NEBL: variants seen among roughly 807,000 people sequenced by gnomAD.
The protein encoded by NEBL is LIM and SH3 protein 2.
In NEBL, 122 loss-of-function variants were observed where a neutral mutation model predicts 140.2. That is an observed-to-expected ratio of 0.87 (90% CI 0.75 to 1.01). The LOEUF (loss-of-function observed/expected upper bound fraction) is 1.01, where lower values mean the gene tolerates loss of function less well. Ranked by LOEUF, NEBL falls within the 50% of genes least tolerant of loss-of-function variation. The pLI is 0.00. For missense variants in NEBL, 1,365 were observed against 1,231.3 expected, an observed-to-expected ratio of 1.11 and a Z score of -1.62; for synonymous variants, 436 against 398.9, an observed-to-expected ratio of 1.09 and a Z score of -1.11.
chr10:20,980,033 T>C (rs187583303), intron 3 of NEBL, among the ~76,000 whole-genome samples: 6 of 149,476 alleles, frequency 4.0e-5, no homozygotes, highest in Admixed American at 3.3e-4. Context: ...TATATTCTTT[T>C]AAAGTGTCTC....
At chr10:20,996,880 C>T (rs1837688020) in intron 3 of NEBL, among the ~76,000 whole-genome samples, 1 of 152,180 alleles carries the variant, frequency 6.6e-6, no homozygotes, top group African/African-American at 2.4e-5. Flanking sequence ...GTCTTTTTCT[C>T]TCTCTAAACC....
At chr10:20,835,213 C>T (rs904459993) in intron 14 of NEBL, among the ~76,000 whole-genome samples, 1 of 152,190 alleles carries the variant, frequency 6.6e-6, no homozygotes, top group African/African-American at 2.4e-5. Flanking sequence ...TTATCATAGC[C>T]TAGATTACCA....
In NEBL at chr10:20,819,503, TC is replaced by T; in HGVS notation, c.1975del (p.Glu659SerfsTer9). 6.2e-7 allele frequency: 1 copy of T among 1,614,064 alleles called. No homozygotes were observed. The highest frequency in any genetic ancestry group is 8.5e-7 in the Non-Finnish European group (1 of 1,179,962). ...TACCGGAGTGGCCTTGTAGTTTTGCTCTTTATACTGGAGCTGAGAGACAAGG... is the reference window on the plus strand; with the variant it reads ...TACCGGAGTGGCCTTGTAGTTTTGCTTTTATACTGGAGCTGAGAGACAAGG... ...QKNISNLQYK[E>X]QNYKATPVSM... is the part of the protein sequence containing the mutation. On this transcript the variant is annotated frameshift_variant, in exon 20 of 28. Transcript: ENST00000377122. LOFTEE classifies it high-confidence loss of function.
intron 1 of NEBL, among the ~76,000 whole-genome samples, chr10:21,288,592 C>G (rs899543971): frequency 6.6e-6 from 1 of 150,416 alleles, no homozygotes; most frequent in Admixed American, 6.6e-5. Flanking sequence ...GAAACCCCGT[C>G]TCTACTAAAA....
intron 19 of NEBL, 62 bp downstream of exon 19, chr10:20,823,146 T>C (rs1839513714): frequency 8.1e-7 from 1 of 1,231,434 alleles, no homozygotes; most frequent in Non-Finnish European, 1.2e-6. Context: ...ACAGGTTTTA[T>C]GCTGTCATTA....
chr10:20,917,986 G>A (rs1833388564), intron 4 of NEBL, among the ~76,000 whole-genome samples: 1 of 152,094 alleles, frequency 6.6e-6, no homozygotes. Context: ...AAAATAACAG[G>A]ATCCAAAATG....
At chr10:20,973,023 TTGAAGAGTTACA>T (rs1251865925) in intron 3 of NEBL, among the ~76,000 whole-genome samples, 1 of 152,090 alleles carries the variant, frequency 6.6e-6, no homozygotes, top group African/African-American at 2.4e-5. Flanking sequence ...ATTAGAAGTG[TTGAAGAGTTACA>T]TGAAGAATTA....
intron 16 of NEBL, among the ~76,000 whole-genome samples, chr10:20,830,864 A>C (rs1840334285): frequency 6.8e-6 from 1 of 146,364 alleles, no homozygotes. Flanking sequence ...TGATGGTGCC[A>C]CTGCATTCCA....
chr10:20,941,696 G>C (rs1355761827), intron 4 of NEBL, among the ~76,000 whole-genome samples: 2 of 151,990 alleles, frequency 1.3e-5, no homozygotes, highest in African/African-American at 4.8e-5. Context: ...CATCGTCTCA[G>C]CCCAAAACCT....
At chr10:21,102,896 T>C (rs1371187894) in intron 2 of NEBL, among the ~76,000 whole-genome samples, 2 of 152,126 alleles carry the variant, frequency 1.3e-5, no homozygotes, top group Non-Finnish European at 2.9e-5. Context: ...GGTAAGAGTG[T>C]GCCATAGCGG....
chr10:21,218,503 T>C (rs1317790352), intron 3 of NEBL, among the ~76,000 whole-genome samples: 1 of 152,200 alleles, frequency 6.6e-6, no homozygotes, highest in Non-Finnish European at 1.5e-5. Context: ...ATAAAGGAGT[T>C]ATATATCAGA....
chr10:20,881,031 T>C, intron 4 of NEBL, 127 bp from the exon 5 acceptor site: 1 of 737,710 alleles, frequency 1.4e-6, no homozygotes, highest in Non-Finnish European at 2.4e-6. Context: ...CCTAAATCTC[T>C]GTAACAAGAC....
At chr10:20,938,086 C>T (rs892938088) in intron 4 of NEBL, among the ~76,000 whole-genome samples, 7 of 152,182 alleles carry the variant, frequency 4.6e-5, no homozygotes, top group Non-Finnish European at 5.9e-5. Flanking sequence ...GCTTTGAAGA[C>T]AGTAGTGGTT....
chr10:21,263,467 C>T (rs897561531), intron 1 of NEBL, among the ~76,000 whole-genome samples: 5 of 151,802 alleles, frequency 3.3e-5, no homozygotes, highest in African/African-American at 7.3e-5. Context: ...AGAGTCCAAG[C>T]GGGGGAGGTT....
At chr10:21,125,734 G>T in intron 2 of NEBL, 2 of 949,776 alleles carry the variant, frequency 2.1e-6, no homozygotes, top group Non-Finnish European at 3.3e-6. Context: ...AGTCACATGT[G>T]CTCCACAGGG....
intron 4 of NEBL, among the ~76,000 whole-genome samples, chr10:20,937,838 A>T (rs1412651717): frequency 6.6e-6 from 1 of 152,030 alleles, no homozygotes; most frequent in East Asian, 1.9e-4. Flanking sequence ...AGCCTCGCTC[A>T]TTGCTAGCAC....
intron 8 of NEBL, 134 bp from the exon 9 acceptor site, chr10:20,858,478 T>G: frequency 1.3e-6 from 1 of 751,544 alleles, no homozygotes; most frequent in Admixed American, 2.1e-5. Context: ...AAGGAGCCAC[T>G]AGATGGTGCT....
At chr10:20,859,608 A>G (rs1007920772) in intron 8 of NEBL, 105 bp downstream of exon 8, 2 of 714,152 alleles carry the variant, frequency 2.8e-6, no homozygotes, top group Non-Finnish European at 4.8e-6. Context: ...CAGTTCAACT[A>G]CAAATTACTT....
intron 2 of NEBL, among the ~76,000 whole-genome samples, chr10:21,135,952 G>A (rs1564523464): frequency 6.6e-6 from 1 of 152,182 alleles, no homozygotes; most frequent in Non-Finnish European, 1.5e-5. Flanking sequence ...AGAACTTTCT[G>A]GAACTTGAAA....
Sources: gnomAD v4.1 joint callset for allele counts (sites outside exome capture counted in the v4.1 genomes callset) on GRCh38, gnomAD v4.1.1 for gene constraint, MANE v1.5 for transcripts, NCBI Gene and HGNC (gene_info 2026-07-23, HGNC 2026-07-21) for gene names.